Variants in TIE1 observed in about 807,000 individuals in gnomAD.
TIE1 encodes tyrosine-protein kinase receptor Tie-1.
Under a neutral mutation model 130.5 loss-of-function variants are expected in TIE1, and 89 were observed. The observed-to-expected ratio is 0.68, with a 90% CI of 0.57 to 0.81. The LOEUF is 0.81. Among genes scored for constraint, TIE1 ranks in the 40% least tolerant of loss-of-function variants. The pLI is 0.00. For missense variants in TIE1, 1,392 were observed against 1,559.8 expected, an observed-to-expected ratio of 0.89 and a Z score of 1.81; for synonymous variants, 568 against 629.4, an observed-to-expected ratio of 0.90 and a Z score of 1.46.
At position 43,312,551 on chromosome 1, in the gene TIE1, C is replaced by G. The variant is rs145096280; in HGVS notation, c.1877C>G (p.Thr626Ser). 9.9e-6 allele frequency: 16 copies of G among 1,613,224 alleles called. No homozygotes were observed. Among genetic ancestry groups the G allele is most frequent in the Non-Finnish European group, 1.3e-5 (15 of 1,179,768 alleles). ...YQLDVQLYHC[T>S]LLGPASPPAH... ...CTGGATGTGCAGCTCTACCACTGCA[C>G]CCTCCTGGGCCCGGCCTCGCCCCCT... Residue 626 changes from threonine (T) to serine (S), a missense_variant, in exon 12 of 23, where the codon ACC becomes AGC. By Grantham distance (58) the Thr-to-Ser change is moderately conservative. This residue lies in a region of TIE1 where 551 missense variants were observed against 565.5 expected (regional missense o/e 0.97). Transcript: ENST00000372476. The surrounding 1 kb of genome is among the most constrained non-coding windows in gnomAD (Gnocchi z 5.6).
At position 43,321,435 on chromosome 1, in the gene TIE1, A is replaced by G; in HGVS notation, c.3188A>G (p.Tyr1063Cys). The change falls in exon 21 of 23, where the codon TAT (tyrosine) becomes TGT (cysteine). Residue 1063 changes from tyrosine to cysteine, a missense_variant. By Grantham distance (194) the Tyr-to-Cys change is radical. This residue lies in a region of TIE1 where 104 missense variants were observed against 129.3 expected (regional missense o/e 0.80). Coordinates refer to ENST00000372476, the MANE Select transcript of TIE1 (RefSeq NM_005424.5). ...TGTGGCATGACCTGTGCCGAGCTCT[A>G]TGAAAAGCTGCCCCAGGGCTACCGC... ...PYCGMTCAEL[Y>C]EKLPQGYRME... The G allele has an allele frequency of 3.1e-6, 5 of 1,614,040 alleles. No individual in the cohort carries two copies. The highest frequency in any genetic ancestry group is 4.2e-6 in the Non-Finnish European group (5 of 1,179,996).
In TIE1 at chr1:43,317,945, G is replaced by A. The variant is rs1646877035; in HGVS notation, c.2795G>A (p.Ser932Asn). 1 of 1,614,058 alleles carries A rather than the reference G, an allele frequency of 6.2e-7. No homozygotes were observed. The highest frequency in any genetic ancestry group is 1.7e-5 in the Admixed American group (1 of 60,004). ...YGNLLDFLRK[S>N]RVLETDPAFA... Reference sequence around the variant, plus strand: ...AACCTGCTAGATTTTCTGCGGAAAAGCCGGGTCCTAGAGACTGACCCAGCT... The same window carrying A: ...AACCTGCTAGATTTTCTGCGGAAAAACCGGGTCCTAGAGACTGACCCAGCT... The change falls in exon 17 of 23, where the codon AGC becomes AAC. Residue 932 changes from serine to asparagine, a missense_variant. Transcript: ENST00000372476. This position sits in a 1 kb window ranked among gnomAD's most constrained non-coding sequence, Gnocchi z 5.1.
Position 43,309,332 on chromosome 1 carries a change from C to T in TIE1, c.1189-56C>T. ...ATCAGTCCAGACGGACACCTGGGTG[C>T]CTGCCACAGAGGTGCCCGTTCCCTG... On this transcript the variant is annotated intron_variant, in intron 8 of 22. Coordinates refer to ENST00000372476, the MANE Select transcript of TIE1 (RefSeq NM_005424.5). The surrounding 1 kb of genome is among the most constrained non-coding windows in gnomAD (Gnocchi z 6.3). 1.3e-6 allele frequency: 2 copies of T among 1,535,566 alleles called. No individual in the cohort carries two copies. Among genetic ancestry groups the T allele is most frequent in the African/African-American group, 1.4e-5 (1 of 72,394 alleles).
chr1:43,317,697 A>C lies in TIE1; in HGVS notation c.2731+23A>C, dbSNP rs866993974. 1.3e-6 allele frequency: 2 copies of C among 1,546,580 alleles called. No individual in the cohort carries two copies. Among genetic ancestry groups the C allele is most frequent in the Admixed American group, 1.9e-5 (1 of 53,390 alleles). On this transcript the variant is annotated intron_variant, in intron 16 of 22. Coordinates refer to ENST00000372476, the MANE Select transcript of TIE1 (RefSeq NM_005424.5). This position sits in a 1 kb window ranked among gnomAD's most constrained non-coding sequence, Gnocchi z 5.1. The stretch of plus-strand genomic sequence containing the variant: ...GAGGTGAGCCCCCAGCTCATCACCT[A>C]CCCCTTCTTCCAAACCCCCATCCTC...
rs751453706 is a variant in TIE1 at position 43,313,342 on chromosome 1, C to G, written c.2135C>G (p.Thr712Arg). The G allele has an allele frequency of 6.2e-7, 1 of 1,614,044 alleles. No individual in the cohort carries two copies. The highest frequency in any genetic ancestry group is 1.1e-5 in the South Asian group (1 of 91,078). The change falls in exon 13 of 23, where the codon ACG becomes AGG. Residue 712 changes from threonine (T) to arginine (R), a missense_variant. By Grantham distance (71) the Thr-to-Arg change is moderately conservative (BLOSUM62 -1). This residue lies in a region of TIE1 where 551 missense variants were observed against 565.5 expected (regional missense o/e 0.97). Coordinates refer to ENST00000372476, the MANE Select transcript of TIE1 (RefSeq NM_005424.5). This position sits in a 1 kb window ranked among gnomAD's most constrained non-coding sequence, Gnocchi z 6.2. ...ATCATCCGTGGCCTCAACGCCAGCA[C>G]GCGCTACCTCTTCCGCATGCGGGCC... ...STIIRGLNAS[T>R]RYLFRMRASI...
rs77829822 is a variant in TIE1 at position 43,319,156 on chromosome 1, G to A, written c.2923-79G>A. On this transcript the variant is annotated intron_variant, in intron 17 of 22. Coordinates refer to ENST00000372476, the MANE Select transcript of TIE1 (RefSeq NM_005424.5). The surrounding 1 kb of genome is among the most constrained non-coding windows in gnomAD (Gnocchi z 4.7). ...TATTGAAGGTAACAAGGGTACCCAC[G>A]AAGACTGACTCCTTACTGGCCTGAC... The A allele has an allele frequency of 5.4e-3, 5,631 of 1,051,186 alleles. 215 individuals carry two copies. In the African/African-American group the frequency reaches 0.079, roughly 15 times the overall value. 65.1% of individuals were successfully genotyped at this position (1,051,186 alleles called of 1,614,324 possible).
chr1:43,309,089 G>C lies in TIE1; in HGVS notation c.1146G>C (p.Arg382=), dbSNP rs1395214956. The C allele has an allele frequency of 1.2e-6, 2 of 1,613,286 alleles. No homozygotes were observed. Among genetic ancestry groups the C allele is most frequent in the African/African-American group, 2.7e-5 (2 of 74,880 alleles). Residue 382 remains arginine, a synonymous_variant, in exon 8 of 23, where the codon CGG becomes CGC. Transcript: ENST00000372476. The surrounding 1 kb of genome is among the most constrained non-coding windows in gnomAD (Gnocchi z 6.3). ...CAAAGNPFPV[R]GSIELRKPDG... ...CTGCAGGGAACCCCTTCCCCGTGCG[G>C]GGCAGCATAGAGCTACGCAAGCCAG...
In TIE1 at chr1:43,309,567, G is replaced by A. The variant is rs1226304859; in HGVS notation, c.1333+35G>A. The A allele has an allele frequency of 1.3e-6, 2 of 1,544,910 alleles. No individual in the cohort carries two copies. Among genetic ancestry groups the A allele is most frequent in the Non-Finnish European group, 1.7e-6 (2 of 1,149,574 alleles). On this transcript the variant is annotated intron_variant, in intron 9 of 22. Transcript: ENST00000372476. The surrounding 1 kb of genome is among the most constrained non-coding windows in gnomAD (Gnocchi z 6.3). ...GTCCTAGGTCCACAGGGAATGGACG[G>A]TGAGCAGAGTAGGCTCTAGATGATG...
At position 43,316,010 on chromosome 1, in the gene TIE1, G is replaced by T. The variant is rs2153912465; in HGVS notation, c.2410-1189G>T. 6.6e-6 allele frequency among the ~76,000 whole-genome samples: 1 copy of T among 152,284 alleles called. No individual in the cohort carries two copies. The highest frequency in any genetic ancestry group is 1.9e-4 in the East Asian group (1 of 5,180). ...AAAGCTCGAGGTAACAATGAGCTGA[G>T]ATCGTGCCATTGCCCTTCCGCCTGG... On this transcript the variant is annotated intron_variant, in intron 14 of 22. Coordinates refer to ENST00000372476, the MANE Select transcript of TIE1 (RefSeq NM_005424.5). The surrounding 1 kb of genome is among the most constrained non-coding windows in gnomAD (Gnocchi z 4.4).
intron 10 of TIE1, 26 bp downstream of exon 10, chr1:43,311,855 G>A: frequency 6.2e-7 from 1 of 1,606,796 alleles, no homozygotes; most frequent in Non-Finnish European, 8.5e-7. Context: ...GCTGGGGCAG[G>A]ACAGAGGTGT....
intron 1 of TIE1, among the ~76,000 whole-genome samples, chr1:43,304,350 G>A (rs918108377): frequency 6.6e-6 from 1 of 152,206 alleles, no homozygotes; most frequent in Admixed American, 6.5e-5. Flanking sequence ...GGGACCCATG[G>A]GACACTTCTG....
In TIE1 at chr1:43,312,041, G is replaced by A; in HGVS notation, c.1540G>A (p.Gly514Arg). Residue 514 changes from glycine (G) to arginine (R), a missense_variant, in exon 11 of 23, where the codon GGA becomes AGA. Gly to Arg is a moderately radical substitution (Grantham distance 125, BLOSUM62 -2). This residue lies in a region of TIE1 where 551 missense variants were observed against 565.5 expected (regional missense o/e 0.97). Coordinates refer to ENST00000372476, the MANE Select transcript of TIE1 (RefSeq NM_005424.5). This position sits in a 1 kb window ranked among gnomAD's most constrained non-coding sequence, Gnocchi z 5.6. ...GTTAATGAACCTGAGGCCAAAGACA[G>A]GATACAGTGTTCGTGTGCAGCTGAG... Reference protein sequence around the residue: ...VTLMNLRPKTGYSVRVQLSRP... With the variant: ...VTLMNLRPKTRYSVRVQLSRP... The A allele has an allele frequency of 6.2e-7, 1 of 1,608,112 alleles. No homozygotes were observed. The highest frequency in any genetic ancestry group is 8.5e-7 in the Non-Finnish European group (1 of 1,176,200).
chr1:43,312,384 G>T lies in TIE1; in HGVS notation c.1710G>T (p.Leu570Phe). 1 of 1,600,010 alleles carries T rather than the reference G, an allele frequency of 6.2e-7. No individual in the cohort carries two copies. Among genetic ancestry groups the T allele is most frequent in the Non-Finnish European group, 8.5e-7 (1 of 1,172,642 alleles). ...DRLRVSWSLP[L>F]VPGPLVGDGF... is the part of the protein sequence containing the mutation. ...TGCGAGTGAGCTGGTCCTTGCCCTTGGTGCCCGGGCCACTGGTGGGCGACG... is the reference window on the plus strand; with the variant it reads ...TGCGAGTGAGCTGGTCCTTGCCCTTTGTGCCCGGGCCACTGGTGGGCGACG... The change falls in exon 12 of 23, where the codon TTG (leucine) becomes TTT (phenylalanine). Residue 570 changes from leucine (L) to phenylalanine (F), a missense_variant. Physicochemically the swap from Leu to Phe is conservative, Grantham distance 22. Around this residue, in one of 6 missense-constraint regions of TIE1, gnomAD observed 551 missense variants for 565.5 expected, o/e 0.97. Coordinates refer to ENST00000372476, the MANE Select transcript of TIE1 (RefSeq NM_005424.5). The surrounding 1 kb of genome is among the most constrained non-coding windows in gnomAD (Gnocchi z 5.6).
intron 10 of TIE1, 35 bp downstream of exon 10, chr1:43,311,864 G>A (rs200982366): frequency 1.9e-6 from 3 of 1,602,564 alleles, no homozygotes; most frequent in Non-Finnish European, 2.6e-6. Flanking sequence ...GGACAGAGGT[G>A]TTGGGTAATA....
At position 43,307,745 on chromosome 1, in the gene TIE1, C is replaced by G; in HGVS notation, c.914-51C>G. On this transcript the variant is annotated intron_variant, in intron 6 of 22. Transcript: ENST00000372476. The surrounding 1 kb of genome is among the most constrained non-coding windows in gnomAD (Gnocchi z 5.4). ...CCCCATCTGCGCCCTCATCTGTGCCCTCATTGCCCCCTGTCCCATGCCCCT... is the reference window on the plus strand; with the variant it reads ...CCCCATCTGCGCCCTCATCTGTGCCGTCATTGCCCCCTGTCCCATGCCCCT... The G allele has an allele frequency of 6.2e-7, 1 of 1,610,316 alleles. No homozygotes were observed.
At chr1:43,314,397 G>A (rs1646839130) in intron 14 of TIE1, 12 of 1,120,566 alleles carry the variant, frequency 1.1e-5, no homozygotes, top group South Asian at 1.1e-4. Context: ...TCCTGGGCTC[G>A]GGAGCCAGCC....
At chr1:43,314,257 G>T in intron 14 of TIE1, 1 of 758,616 alleles carries the variant, frequency 1.3e-6, no homozygotes, top group Non-Finnish European at 1.9e-6. Context: ...TTCCAGTTTT[G>T]GGCTCCGTCA....
Position 43,321,516 on chromosome 1 carries a change from C to T in TIE1, c.3245+24C>T, listed in dbSNP as rs745976134. 10 of 1,596,814 alleles carry T rather than the reference C, an allele frequency of 6.3e-6. 1 individual carries two copies. The highest frequency in any genetic ancestry group is 7.7e-6 in the Non-Finnish European group (9 of 1,171,222). Reference sequence around the variant, plus strand: ...GTGTGAGTCACCCCATCCTTGAGCTCCATGATCCTATCTCTGTGATGAGTG... The same window carrying T: ...GTGTGAGTCACCCCATCCTTGAGCTTCATGATCCTATCTCTGTGATGAGTG... On this transcript the variant is annotated intron_variant, in intron 21 of 22. Coordinates refer to ENST00000372476, the MANE Select transcript of TIE1 (RefSeq NM_005424.5).
Position 43,306,343 on chromosome 1 carries a change from G to A in TIE1, c.485-497G>A, listed in dbSNP as rs957429093. ...TAGGAGTCAAGAAGGGTGTGAAGACGAATGGGGCTGGATGGCTTGGCCACG... is the reference window on the plus strand; with the variant it reads ...TAGGAGTCAAGAAGGGTGTGAAGACAAATGGGGCTGGATGGCTTGGCCACG... On this transcript the variant is annotated intron_variant, in intron 3 of 22. Coordinates refer to ENST00000372476, the MANE Select transcript of TIE1 (RefSeq NM_005424.5). The surrounding 1 kb of genome is among the most constrained non-coding windows in gnomAD (Gnocchi z 4.9). Among the ~76,000 whole-genome samples, 1 of 152,216 alleles carries A rather than the reference G, an allele frequency of 6.6e-6. No individual in the cohort carries two copies. Among genetic ancestry groups the A allele is most frequent in the Admixed American group, 6.5e-5 (1 of 15,288 alleles).
Sources: allele counts gnomAD v4.1 joint callset (sites outside exome capture counted in the v4.1 genomes callset), GRCh38; gene constraint gnomAD v4.1.1; regional missense constraint gnomAD v4.1.1; non-coding constraint Gnocchi (gnomAD v3.1); transcripts MANE v1.5; gene names NCBI Gene and HGNC (gene_info 2026-07-23, HGNC 2026-07-21).